TLK1: variants seen among roughly 807,000 people sequenced by gnomAD.
The protein encoded by TLK1 is tousled like kinase 1, also known as serine/threonine-protein kinase tousled-like 1.
TLK1 carries 24 observed loss-of-function variants against 105.3 expected under a neutral mutation model. That is an observed-to-expected ratio of 0.23 (90% CI 0.17 to 0.32). The LOEUF (loss-of-function observed/expected upper bound fraction) is 0.32. Among genes scored for constraint, TLK1 ranks in the 10% least tolerant of loss-of-function variants. The pLI is 1.00. For synonymous variants in TLK1, 321 were observed against 310.4 expected, an observed-to-expected ratio of 1.03 and a Z score of -0.36; for missense variants, 558 against 910.5, an observed-to-expected ratio of 0.61 and a Z score of 4.98.
In TLK1 at chr2:171,146,319, G is replaced by A. The variant is rs562567064; in HGVS notation, c.139+13971C>T. Among the ~76,000 whole-genome samples, 351 of 150,560 alleles carry A rather than the reference G, an allele frequency of 2.3e-3. 1 individual carries two copies. The highest frequency in any genetic ancestry group is 9.2e-3 in the Admixed American group (138 of 15,052). On this transcript the variant is annotated intron_variant, in intron 1 of 20. Coordinates refer to ENST00000431350, the MANE Select transcript of TLK1 (RefSeq NM_012290.5). Reference sequence around the variant, plus strand: ...AGCCGGGACAACAGAGTGAGACTCTGTAAGAATGTGATTCTTTTGTAGTTC... The same window carrying A: ...AGCCGGGACAACAGAGTGAGACTCTATAAGAATGTGATTCTTTTGTAGTTC...
intron 12 of TLK1, among the ~76,000 whole-genome samples, chr2:171,027,538 TACTATC>T (rs1471177894): frequency 7.9e-5 from 12 of 152,246 alleles, no homozygotes; most frequent in South Asian, 4.1e-4. Flanking sequence ...TATCCCTTTA[TACTATC>T]ACTAAGTGCT....
intron 2 of TLK1, among the ~76,000 whole-genome samples, chr2:171,115,908 T>C (rs1690404980): frequency 6.6e-6 from 1 of 152,202 alleles, no homozygotes; most frequent in African/African-American, 2.4e-5. Flanking sequence ...TGAGCCAAAA[T>C]TTACCTGATA....
chr2:171,075,024 TA>T (rs75840796), intron 3 of TLK1, among the ~76,000 whole-genome samples: 64 of 144,292 alleles, frequency 4.4e-4, no homozygotes, highest in Middle Eastern at 3.6e-3. Context: ...AGTAAGGCAT[TA>T]AAAAAAAAAA....
intron 3 of TLK1, among the ~76,000 whole-genome samples, chr2:171,066,122 G>GT (rs1194349704): frequency 6.6e-6 from 1 of 152,134 alleles, no homozygotes; most frequent in Non-Finnish European, 1.5e-5. Context: ...CTGCCCAAGA[G>GT]TTAAAACTTT....
chr2:171,101,690 G>C (rs1402884138), intron 2 of TLK1, among the ~76,000 whole-genome samples: 1 of 151,976 alleles, frequency 6.6e-6, no homozygotes, highest in African/African-American at 2.4e-5. Flanking sequence ...GAAATCAGAA[G>C]GAAAAAAGCT....
At position 171,021,913 on chromosome 2, in the gene TLK1, C is replaced by G. The variant is rs547496305; in HGVS notation, c.1236+6426G>C. ...AGGAGTTCGACACCAGCCTGACCAA[C>G]ATGGTGAAACCCCGTTTCTACTAAA... On this transcript the variant is annotated intron_variant, in intron 12 of 20. Transcript: ENST00000431350. 2.0e-5 allele frequency among the ~76,000 whole-genome samples: 3 copies of G among 152,116 alleles called. 1 individual carries two copies. The South Asian group carries it at 6.2e-4, about 32-fold the overall frequency.
At chr2:171,137,198 C>A (rs1435770715) in intron 1 of TLK1, among the ~76,000 whole-genome samples, 1 of 151,942 alleles carries the variant, frequency 6.6e-6, no homozygotes, top group Non-Finnish European at 1.5e-5. Context: ...GAGAGGACTG[C>A]TTGAGGCTTG....
intron 3 of TLK1, chr2:171,081,578 G>A: frequency 8.8e-7 from 1 of 1,132,928 alleles, no homozygotes; most frequent in African/African-American, 1.6e-5. Flanking sequence ...CTTAGTATAA[G>A]TATGTTAATT....
At chr2:171,163,215 C>G (rs1159456091), upstream of TLK1, among the ~76,000 whole-genome samples, 2 of 152,168 alleles carry the variant, frequency 1.3e-5, no homozygotes, top group Admixed American at 1.3e-4. Context: ...ACTTGTTTAT[C>G]CATTAAACTA....
At chr2:171,091,975 G>A (rs1487635128) in intron 2 of TLK1, among the ~76,000 whole-genome samples, 2 of 150,094 alleles carry the variant, frequency 1.3e-5, no homozygotes, top group Non-Finnish European at 3.0e-5. Flanking sequence ...CTCGTGATCC[G>A]CCAGCCTCAG....
At chr2:171,201,940 T>G (rs976037630) in intron 1 of TLK1, among the ~76,000 whole-genome samples, 1 of 151,412 alleles carries the variant, frequency 6.6e-6, no homozygotes, top group Non-Finnish European at 1.5e-5. Context: ...TATCTATCTA[T>G]CTATCATCAA....
At chr2:171,097,784 T>C (rs1485998866) in intron 2 of TLK1, among the ~76,000 whole-genome samples, 1 of 151,898 alleles carries the variant, frequency 6.6e-6, no homozygotes, top group East Asian at 1.9e-4. Flanking sequence ...ATTAGCTGGG[T>C]GTTGACGGCG....
rs552645377 is a variant in TLK1 at position 171,228,683 on chromosome 2, G to A, written c.-6+2462C>T. Among the ~76,000 whole-genome samples, 9 of 152,288 alleles carry A rather than the reference G, an allele frequency of 5.9e-5. No homozygotes were observed. The East Asian group carries it at 9.6e-4, about 16-fold the overall frequency. On this transcript the variant is annotated intron_variant, in intron 1 of 20. Transcript: ENST00000521943. ...CAAGTGATTCAGTTCAGTTGACAGC[G>A]TTTAAACTCATGTCCTTCTGGAGTT...
intron 2 of TLK1, among the ~76,000 whole-genome samples, chr2:171,090,064 A>G (rs913957902): frequency 6.6e-6 from 1 of 152,230 alleles, no homozygotes; most frequent in Non-Finnish European, 1.5e-5. Flanking sequence ...TAGCTTTATA[A>G]CATTGAGTCT....
intron 1 of TLK1, among the ~76,000 whole-genome samples, chr2:171,225,920 G>A (rs1189111992): frequency 6.6e-6 from 1 of 152,094 alleles, no homozygotes; most frequent in Non-Finnish European, 1.5e-5. Context: ...ATTGTCATGG[G>A]CTGTAGTTGC....
intron 1 of TLK1, among the ~76,000 whole-genome samples, chr2:171,130,963 A>T (rs1186494802): frequency 1.3e-5 from 2 of 152,076 alleles, no homozygotes; most frequent in Non-Finnish European, 2.9e-5. Flanking sequence ...CCAAAGACCA[A>T]ATCACCCCAA....
chr2:171,158,603 T>C (rs1232368203), intron 1 of TLK1, among the ~76,000 whole-genome samples: 1 of 151,986 alleles, frequency 6.6e-6, no homozygotes, highest in South Asian at 2.1e-4. Flanking sequence ...AACGAATGAA[T>C]GAATGAATGA....
At chr2:171,184,696 TA>T (rs956107554) in intron 1 of TLK1, among the ~76,000 whole-genome samples, 6 of 151,580 alleles carry the variant, frequency 4.0e-5, no homozygotes, top group Non-Finnish European at 7.4e-5. Flanking sequence ...CCAACATCTC[TA>T]AAAAAAATTC....
intron 1 of TLK1, among the ~76,000 whole-genome samples, chr2:171,225,352 C>A (rs1013600624): frequency 2.0e-5 from 3 of 152,018 alleles, no homozygotes; most frequent in Admixed American, 2.0e-4. Context: ...AAAGAAGACA[C>A]ACAAATGGCC....
Sources: gnomAD v4.1 joint callset for allele counts (sites outside exome capture counted in the v4.1 genomes callset) on GRCh38, gnomAD v4.1.1 for gene constraint, MANE v1.5 for transcripts, NCBI Gene and HGNC (gene_info 2026-07-23, HGNC 2026-07-21) for gene names.